NFIL3: variants seen among roughly 807,000 people sequenced by gnomAD.
NFIL3 encodes the protein nuclear factor interleukin-3-regulated protein.
A neutral mutation model predicts 10.0 loss-of-function variants in NFIL3; 5 were observed. The observed-to-expected ratio is 0.50, with a 90% CI of 0.26 to 1.06. NFIL3 has a LOEUF of 1.06. NFIL3 is among the 50% of genes least tolerant of loss of function. NFIL3 has a pLI of 0.13. For missense variants in NFIL3, 436 were observed against 547.6 expected, an observed-to-expected ratio of 0.80 and a Z score of 2.03; for synonymous variants, 202 against 206.5, an observed-to-expected ratio of 0.98 and a Z score of 0.19.
the NFIL3 span, among the ~76,000 whole-genome samples, chr9:91,455,721 A>G: frequency 0.018 from 2,772 of 152,284 alleles, 97 homozygotes; most frequent in African/African-American, 0.062. Context: ...ACATTTTGAC[A>G]TACTTATAGA....
At chr9:91,464,224 C>T in the NFIL3 span, among the ~76,000 whole-genome samples, 3 of 151,988 alleles carry the variant, frequency 2.0e-5, no homozygotes, top group East Asian at 5.8e-4. Flanking sequence ...TCACCTCCCT[C>T]ACATGTTTCT....
chr9:91,448,497 G>A, the NFIL3 span, among the ~76,000 whole-genome samples: 1 of 152,146 alleles, frequency 6.6e-6, no homozygotes, highest in Non-Finnish European at 1.5e-5. Flanking sequence ...TCTGATGGAA[G>A]ACATTAATCT....
the NFIL3 span, among the ~76,000 whole-genome samples, chr9:91,438,543 C>T: frequency 2.0e-5 from 3 of 151,976 alleles, no homozygotes; most frequent in African/African-American, 7.3e-5. Flanking sequence ...ACATTTGTAG[C>T]TTGAGCTTTT....
chr9:91,478,783 C>T, the NFIL3 span, among the ~76,000 whole-genome samples: 2 of 152,104 alleles, frequency 1.3e-5, no homozygotes, highest in East Asian at 3.9e-4. Context: ...CATGGATTTA[C>T]CTACCTTTGG....
At chr9:91,443,620 C>CT in the NFIL3 span, among the ~76,000 whole-genome samples, 1 of 152,250 alleles carries the variant, frequency 6.6e-6, no homozygotes, top group Non-Finnish European at 1.5e-5. Context: ...TCGACCACGA[C>CT]TTTGCTCCAC....
At chr9:91,460,268 G>GTTTTTTTTTTTTTTTTTTTTTT in the NFIL3 span, among the ~76,000 whole-genome samples, 4 of 77,088 alleles carry the variant, frequency 5.2e-5, no homozygotes, top group African/African-American at 2.7e-4. Context: ...GGAGGGCTTG[G>GTTTTTTTTTTTTTTTTTTTTTT]TTCTTTTTTT....
At chr9:91,432,535 C>T in the NFIL3 span, among the ~76,000 whole-genome samples, 3 of 152,234 alleles carry the variant, frequency 2.0e-5, no homozygotes, top group Non-Finnish European at 4.4e-5. Context: ...ACATGTCCCT[C>T]ACGAAAAGTA....
the NFIL3 span, among the ~76,000 whole-genome samples, chr9:91,476,135 G>T: frequency 1.3e-5 from 2 of 152,176 alleles, no homozygotes; most frequent in Non-Finnish European, 2.9e-5. Flanking sequence ...ATAATGTAAG[G>T]CTTTCTACCT....
intron 1 of NFIL3, among the ~76,000 whole-genome samples, chr9:91,422,264 G>A (rs1485455668): frequency 3.9e-5 from 6 of 152,210 alleles, no homozygotes; most frequent in Non-Finnish European, 8.8e-5. Flanking sequence ...TAAAACTACA[G>A]CAAATGGCCT....
intron 1 of NFIL3, among the ~76,000 whole-genome samples, chr9:91,421,880 T>G (rs963489622): frequency 1.3e-5 from 2 of 152,236 alleles, no homozygotes; most frequent in South Asian, 4.1e-4. Context: ...TATACATATA[T>G]TCACACATAA....
intron 1 of NFIL3, among the ~76,000 whole-genome samples, chr9:91,416,352 A>C (rs1310352904): frequency 6.6e-6 from 1 of 152,202 alleles, no homozygotes; most frequent in Non-Finnish European, 1.5e-5. Context: ...AACTTAAAGC[A>C]AATGCAAAAG....
At chr9:91,411,453 C>CA (rs1833546448) in intron 1 of NFIL3, among the ~76,000 whole-genome samples, 1 of 152,122 alleles carries the variant, frequency 6.6e-6, no homozygotes, top group Non-Finnish European at 1.5e-5. Flanking sequence ...CAAATGGAGA[C>CA]AAACTTCTTC....
At chr9:91,421,138 G>C (rs1286504987) in intron 1 of NFIL3, among the ~76,000 whole-genome samples, 2 of 152,132 alleles carry the variant, frequency 1.3e-5, no homozygotes. Flanking sequence ...CAGAACAGGC[G>C]CGGAGTCAGG....
chr9:91,467,793 T>C, the NFIL3 span, among the ~76,000 whole-genome samples: 8 of 152,128 alleles, frequency 5.3e-5, no homozygotes, highest in Non-Finnish European at 1.2e-4. Flanking sequence ...GGTGTTTGGT[T>C]TTCTGTCCTT....
chr9:91,478,054 C>T, the NFIL3 span, among the ~76,000 whole-genome samples: 4 of 152,284 alleles, frequency 2.6e-5, no homozygotes, highest in East Asian at 1.9e-4. Context: ...GTGGGTAACA[C>T]AACCTTTCTC....
the NFIL3 span, among the ~76,000 whole-genome samples, chr9:91,433,284 G>A: frequency 1.1e-4 from 17 of 152,178 alleles, no homozygotes; most frequent in East Asian, 1.9e-4. Context: ...TGTGACTATC[G>A]GCAAATTGCT....
the NFIL3 span, among the ~76,000 whole-genome samples, chr9:91,462,974 GGCCACA>G: frequency 7.6e-3 from 1,149 of 151,862 alleles, 8 homozygotes; most frequent in South Asian, 0.016. Context: ...TTAAATCTGT[GGCCACA>G]GAATTGTTTG....
the NFIL3 span, among the ~76,000 whole-genome samples, chr9:91,439,012 G>A: frequency 1.3e-5 from 2 of 152,002 alleles, no homozygotes; most frequent in Non-Finnish European, 2.9e-5. Flanking sequence ...ATGCTTTGTC[G>A]TTCCATATGA....
At chr9:91,418,080 G>C (rs1036430970) in intron 1 of NFIL3, among the ~76,000 whole-genome samples, 4 of 152,056 alleles carry the variant, frequency 2.6e-5, no homozygotes, top group Non-Finnish European at 5.9e-5. Flanking sequence ...TCTTCTTTAA[G>C]AGGTCGTCAG....
Sources: gnomAD v4.1 joint callset for allele counts (sites outside exome capture counted in the v4.1 genomes callset) on GRCh38, gnomAD v4.1.1 for gene constraint, MANE v1.5 for transcripts, NCBI Gene and HGNC (gene_info 2026-07-23, HGNC 2026-07-21) for gene names.